The following IFT122 variants were observed in gnomAD, a reference collection of about 807,000 sequenced individuals.
IFT122 encodes intraflagellar transport protein 122 homolog.
Under a neutral mutation model 161.6 loss-of-function variants are expected in IFT122, and 118 were observed. The ratio of observed to expected loss-of-function variants is 0.73; its 90% confidence interval spans 0.63 to 0.85. The LOEUF (loss-of-function observed/expected upper bound fraction) is 0.85. Ranked by LOEUF, IFT122 falls within the 40% of genes least tolerant of loss-of-function variation. IFT122 has a pLI of 0.00. For missense variants in IFT122, 1,381 were observed against 1,579.6 expected (o/e 0.87, Z 2.13); for synonymous variants, 550 against 602.4 (o/e 0.91, Z 1.27).
At chr3:129,468,065 T>G (rs1301840905) in intron 8 of IFT122, among the ~76,000 whole-genome samples, 1 of 152,240 alleles carries the variant, frequency 6.6e-6, no homozygotes, top group Admixed American at 6.5e-5. Context: ...TGGATTGTGT[T>G]TGGACTTTGG....
chr3:129,481,724 C>T (rs1380058032), intron 14 of IFT122, 30 bp downstream of exon 14: 4 of 1,611,056 alleles, frequency 2.5e-6, no homozygotes, highest in African/African-American at 2.7e-5. Context: ...CCAGGGACAT[C>T]ATCCTTTGAT....
chr3:129,494,474 G>T (rs1268184379), intron 17 of IFT122, among the ~76,000 whole-genome samples: 1 of 152,168 alleles, frequency 6.6e-6, no homozygotes, highest in Non-Finnish European at 1.5e-5. Flanking sequence ...GAAGCATGTT[G>T]CCTCCAGCTG....
At chr3:129,490,736 C>G (rs752162333) in intron 16 of IFT122, among the ~76,000 whole-genome samples, 55 of 152,158 alleles carry the variant, frequency 3.6e-4, no homozygotes, top group African/African-American at 1.2e-3. Flanking sequence ...GCAGGGTTGC[C>G]CTCTCAAGGC....
chr3:129,492,012 C>T (rs774859282), intron 16 of IFT122, 129 bp from the exon 17 acceptor site: 101 of 782,650 alleles, frequency 1.3e-4, no homozygotes, highest in Non-Finnish European at 2.1e-4. Context: ...GATGATTAAT[C>T]TGTGCTTGCT....
intron 1 of IFT122, among the ~76,000 whole-genome samples, chr3:129,445,580 G>A (rs1024578488): frequency 6.6e-6 from 1 of 152,160 alleles, no homozygotes; most frequent in Non-Finnish European, 1.5e-5. Context: ...AAGTATGAAG[G>A]ATAACAGATT....
At chr3:129,512,550 G>A (rs1578132462) in intron 24 of IFT122, 138 bp downstream of exon 24, 3 of 747,718 alleles carry the variant, frequency 4.0e-6, no homozygotes, top group East Asian at 5.1e-5. Context: ...TCACCCTCCC[G>A]CTGCTGTTTG....
intron 15 of IFT122, among the ~76,000 whole-genome samples, chr3:129,484,368 T>A (rs2079034563): frequency 6.6e-6 from 1 of 152,174 alleles, no homozygotes; most frequent in African/African-American, 2.4e-5. Flanking sequence ...GCCTTCAGCA[T>A]CCCATCCTCA....
chr3:129,520,078 C>A, intron 29 of IFT122, 98 bp from the exon 30 acceptor site: 1 of 1,005,756 alleles, frequency 9.9e-7, no homozygotes, highest in South Asian at 1.4e-5. Context: ...TGACCACTGC[C>A]AAGCCCCCTC....
chr3:129,461,119 C>A, intron 4 of IFT122, 109 bp from the exon 5 acceptor site: 1 of 986,924 alleles, frequency 1.0e-6, no homozygotes, highest in Non-Finnish European at 1.6e-6. Context: ...TGCAGAAGAG[C>A]ATGTGGTCTA....
chr3:129,487,753 C>A, intron 15 of IFT122: 1 of 222,004 alleles, frequency 4.5e-6, no homozygotes, highest in South Asian at 6.2e-5. Context: ...CCCACCACTG[C>A]CCACGGCTGT....
chr3:129,509,230 T>G (rs1476147533), intron 23 of IFT122, among the ~76,000 whole-genome samples: 3 of 152,190 alleles, frequency 2.0e-5, no homozygotes, highest in Non-Finnish European at 4.4e-5. Flanking sequence ...TATCAGCTCA[T>G]GAGGCACCCA....
rs2076009363 is a variant in IFT122 at position 129,459,723 on chromosome 3, TCCTTC to T, written c.272+1050_272+1054del. Reference sequence around the variant, plus strand: ...TTCCTTCCTTCCTTCCTTCCTTCCTTCCTTCCCTCCCTCCCTCCCTTCTTCCTTCC... The same window carrying T: ...TTCCTTCCTTCCTTCCTTCCTTCCTTCCTCCCTCCCTCCCTTCTTCCTTCC... On this transcript the variant is annotated intron_variant, in intron 4 of 29. Coordinates refer to ENST00000348417, the MANE Select transcript of IFT122 (RefSeq NM_052989.3). Among the ~76,000 whole-genome samples, 2 of 97,364 alleles carry T rather than the reference TCCTTC, an allele frequency of 2.1e-5. 1 individual carries two copies. The highest frequency in any genetic ancestry group is 1.1e-4 in the African/African-American group (2 of 18,930). 63.9% of individuals were successfully genotyped at this position (97,364 alleles called of 152,430 possible). A position where few individuals can be genotyped will look rare whatever the true frequency, so the allele number is the denominator to read the frequency against.
At chr3:129,440,411 T>C (rs2072804889) in intron 1 of IFT122, 40 bp downstream of exon 1, 3 of 1,547,818 alleles carry the variant, frequency 1.9e-6, no homozygotes, top group Non-Finnish European at 2.6e-6. Context: ...GGAGGTCGAG[T>C]CCTCGCGGGG....
intron 26 of IFT122, among the ~76,000 whole-genome samples, chr3:129,517,266 C>T: frequency 8.2e-6 from 1 of 121,804 alleles, no homozygotes. Context: ...CACATTGCTC[C>T]TGCACACACA....
At chr3:129,467,208 G>A in intron 8 of IFT122, 142 bp downstream of exon 8, 1 of 712,388 alleles carries the variant, frequency 1.4e-6, no homozygotes, top group East Asian at 2.7e-5. Context: ...TCAAAAAAAG[G>A]AGACATACCC....
intron 18 of IFT122, 27 bp downstream of exon 18, chr3:129,495,634 C>G: frequency 6.2e-7 from 1 of 1,613,916 alleles, no homozygotes; most frequent in South Asian, 1.1e-5. Flanking sequence ...CAGGCCCAAG[C>G]TCCAGCTTGG....
At chr3:129,492,506 G>A (rs1364787570) in intron 17 of IFT122, among the ~76,000 whole-genome samples, 2 of 152,168 alleles carry the variant, frequency 1.3e-5, no homozygotes, top group Non-Finnish European at 2.9e-5. Context: ...TAGGTTCTCA[G>A]GAACTGGTTT....
chr3:129,519,135 C>G lies in IFT122; in HGVS notation c.3420C>G (p.Thr1140=). The G allele has an allele frequency of 6.2e-7, 1 of 1,614,076 alleles. No homozygotes were observed. Among genetic ancestry groups the G allele is most frequent in the South Asian group, 1.1e-5 (1 of 91,074 alleles). ...NSSQILRLVE[T]KDSIGDEDPF... is the part of the protein sequence containing the mutation. Reference sequence around the variant, plus strand: ...CCCAGATTCTGCGGCTAGTGGAGACCAAGGACTCCATCGGAGATGAGGACC... The same window carrying G: ...CCCAGATTCTGCGGCTAGTGGAGACGAAGGACTCCATCGGAGATGAGGACC... Residue 1140 remains threonine (T), a synonymous_variant, in exon 28 of 30, where the codon ACC becomes ACG. Coordinates refer to ENST00000348417, the MANE Select transcript of IFT122 (RefSeq NM_052989.3).
chr3:129,489,549 A>C (rs1193470973), intron 16 of IFT122, among the ~76,000 whole-genome samples: 1 of 152,164 alleles, frequency 6.6e-6, no homozygotes, highest in Non-Finnish European at 1.5e-5. Context: ...GTAAGAATTC[A>C]GAGGAGGGGC....
Sources: allele counts gnomAD v4.1 joint callset (sites outside exome capture counted in the v4.1 genomes callset), GRCh38; gene constraint gnomAD v4.1.1; transcripts MANE v1.5; gene names NCBI Gene and HGNC (gene_info 2026-07-23, HGNC 2026-07-21).